SNTG1: variants seen among roughly 807,000 people sequenced by gnomAD.
The protein encoded by SNTG1 is syntrophin gamma 1, also known as gamma-1-syntrophin.
A neutral mutation model predicts 74.7 loss-of-function variants in SNTG1; 39 were observed. The observed-to-expected ratio is 0.52, with a 90% CI of 0.40 to 0.68. The LOEUF is 0.68. Among genes scored for constraint, SNTG1 ranks in the 30% least tolerant of loss-of-function variants. The probability of loss-of-function intolerance (pLI) is 0.00; values close to 1 mark genes in which losing one functional copy is unlikely to be tolerated. For synonymous variants in SNTG1, 254 were observed against 217.1 expected, an observed-to-expected ratio of 1.17 and a Z score of -1.49; for missense variants, 685 against 609.5, an observed-to-expected ratio of 1.12 and a Z score of -1.30.
intron 5 of SNTG1, among the ~76,000 whole-genome samples, chr8:50,444,108 AG>A (rs2093383642): frequency 6.6e-6 from 1 of 152,298 alleles, no homozygotes; most frequent in Admixed American, 6.5e-5. Context: ...TCTGCATTCC[AG>A]CCTGGGTGAC....
At chr8:50,267,895 G>T (rs1318308619) in intron 2 of SNTG1, among the ~76,000 whole-genome samples, 1 of 152,026 alleles carries the variant, frequency 6.6e-6, no homozygotes, top group African/African-American at 2.4e-5. Flanking sequence ...ACAAAGCAAG[G>T]GTATACATGC....
intron 11 of SNTG1, among the ~76,000 whole-genome samples, chr8:50,537,591 A>G (rs2094316945): frequency 6.6e-6 from 1 of 151,950 alleles, no homozygotes. Context: ...ACTTTCTTGA[A>G]TCTCTTAACT....
At chr8:50,487,960 T>A (rs570140557) in intron 8 of SNTG1, among the ~76,000 whole-genome samples, 255 of 152,366 alleles carry the variant, frequency 1.7e-3, no homozygotes, top group Admixed American at 6.0e-3. Context: ...ATTTGATATA[T>A]GTTTGCTGAG....
chr8:50,359,989 A>G (rs2091915224), intron 2 of SNTG1, among the ~76,000 whole-genome samples: 1 of 152,164 alleles, frequency 6.6e-6, no homozygotes, highest in African/African-American at 2.4e-5. Flanking sequence ...AAAAGAAAAG[A>G]ACAAGTTTCT....
chr8:50,711,558 T>C (rs957096011), intron 17 of SNTG1, among the ~76,000 whole-genome samples: 2 of 152,190 alleles, frequency 1.3e-5, no homozygotes, highest in Admixed American at 6.5e-5. Flanking sequence ...ATCTCTCTTA[T>C]TGCAGGGAAT....
chr8:50,099,239 A>G (rs766479692), intron 1 of SNTG1, among the ~76,000 whole-genome samples: 6 of 152,164 alleles, frequency 3.9e-5, no homozygotes, highest in Admixed American at 1.3e-4. Context: ...GGTCTTTGAG[A>G]ATTTAGATAG....
intron 11 of SNTG1, among the ~76,000 whole-genome samples, chr8:50,539,489 C>T (rs917891096): frequency 6.6e-6 from 1 of 152,112 alleles, no homozygotes; most frequent in Non-Finnish European, 1.5e-5. Flanking sequence ...GGGAATTCTA[C>T]TGACATAAGG....
chr8:50,614,773 T>G (rs2131006661), intron 13 of SNTG1, among the ~76,000 whole-genome samples: 1 of 152,242 alleles, frequency 6.6e-6, no homozygotes, highest in Non-Finnish European at 1.5e-5. Context: ...ATTTCTTACA[T>G]TCCATAAAAT....
intron 2 of SNTG1, among the ~76,000 whole-genome samples, chr8:50,214,157 A>G (rs1586717906): frequency 6.6e-6 from 1 of 150,746 alleles, no homozygotes; most frequent in African/African-American, 2.4e-5. Flanking sequence ...CTATCACAAG[A>G]ACAAAAAACC....
chr8:50,479,503 T>C (rs2093722994), intron 8 of SNTG1, among the ~76,000 whole-genome samples: 1 of 152,214 alleles, frequency 6.6e-6, no homozygotes, highest in African/African-American at 2.4e-5. Flanking sequence ...CTCGGTTTCT[T>C]TCTTTTCCCA....
At chr8:50,340,308 A>G (rs1041510291) in intron 2 of SNTG1, among the ~76,000 whole-genome samples, 1 of 151,896 alleles carries the variant, frequency 6.6e-6, no homozygotes, top group Non-Finnish European at 1.5e-5. Flanking sequence ...AACTGACACT[A>G]TCTTATCTTA....
chr8:50,752,566 T>G (rs1467586256), intron 18 of SNTG1, among the ~76,000 whole-genome samples: 1 of 151,958 alleles, frequency 6.6e-6, no homozygotes, highest in African/African-American at 2.4e-5. Flanking sequence ...ATAACAATAT[T>G]TGCATTAGAA....
intron 2 of SNTG1, among the ~76,000 whole-genome samples, chr8:50,224,226 A>T (rs1013754896): frequency 1.3e-5 from 2 of 152,320 alleles, no homozygotes; most frequent in Non-Finnish European, 2.9e-5. Context: ...TATGCTAAAG[A>T]TATAAATTCT....
intron 2 of SNTG1, among the ~76,000 whole-genome samples, chr8:50,210,431 T>A (rs2084463328): frequency 6.6e-6 from 1 of 152,124 alleles, no homozygotes; most frequent in African/African-American, 2.4e-5. Flanking sequence ...AATTGTCAGA[T>A]TCACCAAAGT....
chr8:50,454,757 GT>G (rs2093488103), intron 8 of SNTG1, among the ~76,000 whole-genome samples: 1 of 139,340 alleles, frequency 7.2e-6, no homozygotes, highest in Admixed American at 7.9e-5. Context: ...CAGCAGAATT[GT>G]TTGAACCCAG....
intron 1 of SNTG1, among the ~76,000 whole-genome samples, chr8:50,014,807 A>G (rs938941958): frequency 3.9e-5 from 6 of 152,118 alleles, no homozygotes; most frequent in Non-Finnish European, 1.5e-5. Context: ...GTCAGAAGAG[A>G]TCTCAGTGGC....
intron 4 of SNTG1, among the ~76,000 whole-genome samples, chr8:50,410,807 T>G (rs2092938789): frequency 2.0e-5 from 3 of 152,312 alleles, no homozygotes; most frequent in Admixed American, 6.5e-5. Flanking sequence ...CATAATGTCC[T>G]CTGTTCATTT....
At chr8:50,290,649 T>A (rs1001118012) in intron 2 of SNTG1, among the ~76,000 whole-genome samples, 4 of 152,232 alleles carry the variant, frequency 2.6e-5, no homozygotes, top group Middle Eastern at 3.2e-3. Context: ...TTATTTACAT[T>A]TGCTTATTCC....
chr8:49,929,856 T>G (rs1807396762), intron 1 of SNTG1, among the ~76,000 whole-genome samples: 2 of 98,714 alleles, frequency 2.0e-5, no homozygotes, highest in Non-Finnish European at 4.0e-5. Flanking sequence ...CCCAATGCTA[T>G]CCCTCCCCCC....
Sources: gnomAD v4.1 joint callset for allele counts (sites outside exome capture counted in the v4.1 genomes callset) on GRCh38, gnomAD v4.1.1 for gene constraint, MANE v1.5 for transcripts, NCBI Gene and HGNC (gene_info 2026-07-23, HGNC 2026-07-21) for gene names.